FRY: variants seen among roughly 807,000 people sequenced by gnomAD.
FRY encodes FRY microtubule binding protein.
FRY carries 128 observed loss-of-function variants against 348.4 expected under a neutral mutation model. The observed-to-expected ratio is 0.37, with a 90% CI of 0.32 to 0.43. The LOEUF is 0.43. Among genes scored for constraint, FRY ranks in the 20% least tolerant of loss-of-function variants. The probability of loss-of-function intolerance (pLI) is 1.00; values close to 1 mark genes in which losing one functional copy is unlikely to be tolerated. For missense variants in FRY, 2,736 were observed against 3,695.2 expected (o/e 0.74, Z 6.73); for synonymous variants, 1,370 against 1,374.7 (o/e 1.00, Z 0.08).
chr13:32,078,133 C>T (rs764719780), intron 1 of FRY, among the ~76,000 whole-genome samples: 4 of 152,204 alleles, frequency 2.6e-5, no homozygotes, highest in Admixed American at 6.5e-5. Flanking sequence ...GGCCACTCAT[C>T]AGGAGCTTTA....
At position 32,243,041 on chromosome 13, in the gene FRY, G is replaced by T. The variant is rs867510352; in HGVS notation, c.6688-1001G>T. Among the ~76,000 whole-genome samples, 4 of 152,250 alleles carry T rather than the reference G, an allele frequency of 2.6e-5. No homozygotes were observed. The South Asian group carries it at 8.3e-4, about 32-fold the overall frequency. On this transcript the variant is annotated intron_variant, in intron 46 of 60. Transcript: ENST00000542859. ...TATATATTCATAACAAAATTTGGAA[G>T]TTGCAGGAAAGTTTTTAAAAAGAAA...
chr13:32,274,771 C>A (rs1182077626), intron 55 of FRY, 71 bp from the exon 56 acceptor site: 34 of 636,146 alleles, frequency 5.3e-5, no homozygotes, highest in Non-Finnish European at 8.2e-5. Context: ...AGCTACCCCT[C>A]CCCCAAAATA....
At chr13:32,182,893 TG>T (rs1168632905) in intron 23 of FRY, 83 bp from the exon 24 acceptor site, 9 of 836,748 alleles carry the variant, frequency 1.1e-5, no homozygotes, top group Non-Finnish European at 1.8e-5. Context: ...GCAAGTGATT[TG>T]GGATTAAATG....
intron 1 of FRY, among the ~76,000 whole-genome samples, chr13:32,037,358 T>C (rs1199009447): frequency 2.0e-5 from 3 of 152,212 alleles, no homozygotes; most frequent in African/African-American, 7.2e-5. Flanking sequence ...TTCTCTGATA[T>C]ATTGTTTTTC....
chr13:32,231,061 G>T, intron 40 of FRY, 118 bp from the exon 41 acceptor site: 3 of 783,004 alleles, frequency 3.8e-6, no homozygotes, highest in Non-Finnish European at 4.1e-6. Context: ...ATCTTTGTCA[G>T]ATGCATAGAT....
Position 32,056,281 on chromosome 13 carries a change from C to T in FRY, c.71-22553C>T, listed in dbSNP as rs549285610. Among the ~76,000 whole-genome samples, 10 of 151,906 alleles carry T rather than the reference C, an allele frequency of 6.6e-5. No individual in the cohort carries two copies. The South Asian group carries it at 1.2e-3, about 19-fold the overall frequency. ...AAGTGAGCCTCTGTATAGGTTCACA[C>T]AGTCTGTGCCCAATAAGTATCATAC... On this transcript the variant is annotated intron_variant, in intron 1 of 60. Transcript: ENST00000542859.
At chr13:32,204,464 G>GAA (rs201462227) in intron 31 of FRY, among the ~76,000 whole-genome samples, 3 of 151,960 alleles carry the variant, frequency 2.0e-5, no homozygotes, top group African/African-American at 7.2e-5. Context: ...AAGGGGCAGG[G>GAA]GAAAAAAAGC....
At chr13:32,194,967 A>G (rs1883587918) in intron 29 of FRY, among the ~76,000 whole-genome samples, 1 of 152,186 alleles carries the variant, frequency 6.6e-6, no homozygotes, top group South Asian at 2.1e-4. Context: ...AAATATTCAT[A>G]TAGAGTGTCA....
intron 36 of FRY, 142 bp from the exon 37 acceptor site, chr13:32,224,093 G>C (rs904490751): frequency 1.4e-6 from 1 of 708,856 alleles, no homozygotes. Flanking sequence ...GCGAGACCCT[G>C]TCCCTAAAAA....
intron 28 of FRY, among the ~76,000 whole-genome samples, chr13:32,191,022 A>C (rs973671589): frequency 6.6e-6 from 1 of 152,220 alleles, no homozygotes; most frequent in Non-Finnish European, 1.5e-5. Flanking sequence ...ATATGCATAC[A>C]TGGTTTATTT....
At chr13:32,110,448 G>A (rs937406203) in intron 3 of FRY, among the ~76,000 whole-genome samples, 2 of 152,110 alleles carry the variant, frequency 1.3e-5, no homozygotes, top group African/African-American at 4.8e-5. Flanking sequence ...GCGTGGGCCT[G>A]GGTGGGTGAT....
At position 32,131,606 on chromosome 13, in the gene FRY, T is replaced by A. The variant is rs915314883; in HGVS notation, c.717-66T>A. On this transcript the variant is annotated intron_variant, in intron 7 of 60. Transcript: ENST00000542859. ...GCTCTGCTCAATCACTCCCAGATGC[T>A]GGAGGCCCCCATTACAGGGACTTTC... The A allele has an allele frequency of 9.1e-5, 99 of 1,091,570 alleles. No homozygotes were observed. In the Admixed American group the frequency reaches 1.1e-3, roughly 12 times the overall value. The allele number at this position is 1,091,570 out of a possible 1,614,324, so 67.6% of individuals were successfully genotyped here. A position where few individuals can be genotyped will look rare whatever the true frequency, so the allele number is the denominator to read the frequency against.
intron 47 of FRY, among the ~76,000 whole-genome samples, chr13:32,245,368 G>T (rs1003826965): frequency 2.0e-5 from 3 of 152,056 alleles, no homozygotes; most frequent in Non-Finnish European, 2.9e-5. Flanking sequence ...ACTTTGGGAG[G>T]CTGAGGCAAG....
intron 31 of FRY, among the ~76,000 whole-genome samples, chr13:32,203,424 C>T (rs1459414218): frequency 6.6e-6 from 1 of 152,120 alleles, no homozygotes; most frequent in African/African-American, 2.4e-5. Flanking sequence ...TGCAGAATTG[C>T]TAAAGAATTG....
Position 32,254,280 on chromosome 13 carries a change from A to G in FRY, c.7302A>G (p.Val2434=), listed in dbSNP as rs1234304888. 1.4e-5 allele frequency: 22 copies of G among 1,614,072 alleles called. No individual in the cohort carries two copies. Among genetic ancestry groups the G allele is most frequent in the South Asian group, 3.3e-5 (3 of 91,074 alleles). The change falls in exon 51 of 61, where the codon GTA becomes GTG. Residue 2434 remains valine, a synonymous_variant. Coordinates refer to ENST00000542859, the MANE Select transcript of FRY (RefSeq NM_023037.3). The stretch of plus-strand genomic sequence containing the variant: ...TGCTTGAGCACCAGACAAGCTTGGT[A>G]TCTTCTGAGGACGGTGCCCGAGAGC... ...LDLLEHQTSL[V]SSEDGAREQE... is the part of the protein sequence containing the mutation.
chr13:32,202,560 A>T, intron 31 of FRY, 33 bp downstream of exon 31: 1 of 1,471,674 alleles, frequency 6.8e-7, no homozygotes, highest in Non-Finnish European at 9.5e-7. Flanking sequence ...GACATATGTG[A>T]TCATTTCTAA....
At chr13:32,198,357 G>A (rs1342023192) in intron 29 of FRY, among the ~76,000 whole-genome samples, 1 of 152,174 alleles carries the variant, frequency 6.6e-6, no homozygotes, top group Non-Finnish European at 1.5e-5. Flanking sequence ...CATAGGTAAA[G>A]CATCTCTGCT....
intron 28 of FRY, among the ~76,000 whole-genome samples, chr13:32,188,665 T>G (rs1238317399): frequency 1.3e-5 from 2 of 152,188 alleles, no homozygotes; most frequent in Non-Finnish European, 2.9e-5. Flanking sequence ...ACCTTTGCTC[T>G]TGAATAGTCC....
chr13:32,201,935 T>A lies in FRY; in HGVS notation c.3747-6T>A. The stretch of plus-strand genomic sequence containing the variant: ...CTTTTTTTGTTTTGTTCTGTTGTGT[T>A]TTTAGGAACTATCCCTTCGACATAG... On this transcript the variant is annotated splice_region_variant and splice_polypyrimidine_tract_variant and intron_variant, in intron 29 of 60. Transcript: ENST00000542859. 1 of 1,503,718 alleles carries A rather than the reference T, an allele frequency of 6.7e-7. No homozygotes were observed. Among genetic ancestry groups the A allele is most frequent in the Non-Finnish European group, 9.3e-7 (1 of 1,079,472 alleles). 93.1% of individuals were successfully genotyped at this position (1,503,718 alleles called of 1,614,324 possible). A position where few individuals can be genotyped will look rare whatever the true frequency, so the allele number is the denominator to read the frequency against.
Sources: gnomAD v4.1 joint callset for allele counts (sites outside exome capture counted in the v4.1 genomes callset) on GRCh38, gnomAD v4.1.1 for gene constraint, MANE v1.5 for transcripts, NCBI Gene and HGNC (gene_info 2026-07-23, HGNC 2026-07-21) for gene names.